The following HNF4G variants were observed in gnomAD, a reference collection of about 807,000 sequenced individuals.
HNF4G encodes hepatocyte nuclear factor 4-gamma.
HNF4G carries 21 observed loss-of-function variants against 50.9 expected under a neutral mutation model. That is an observed-to-expected ratio of 0.41 (90% CI 0.29 to 0.59). The LOEUF is 0.59. Among genes scored for constraint, HNF4G ranks in the 20% least tolerant of loss-of-function variants. The pLI is 0.26. For missense variants in HNF4G, 527 were observed against 559.4 expected (o/e 0.94, Z 0.58); for synonymous variants, 198 against 185.6 (o/e 1.07, Z -0.54).
At chr8:75,514,093 C>T (rs1384424226) in intron 2 of HNF4G, among the ~76,000 whole-genome samples, 1 of 151,704 alleles carries the variant, frequency 6.6e-6, no homozygotes, top group Non-Finnish European at 1.5e-5. Flanking sequence ...TAATTTTGCC[C>T]ATTCTTCCTT....
At chr8:75,530,902 C>A (rs1332334746) in intron 2 of HNF4G, among the ~76,000 whole-genome samples, 2 of 150,080 alleles carry the variant, frequency 1.3e-5, no homozygotes, top group Non-Finnish European at 2.9e-5. Context: ...GAGTGATTCT[C>A]CCACCTCAGC....
At chr8:75,422,213 C>T (rs1418049749) in intron 1 of HNF4G, among the ~76,000 whole-genome samples, 3 of 152,124 alleles carry the variant, frequency 2.0e-5, no homozygotes, top group South Asian at 2.1e-4. Flanking sequence ...AGATGACAGA[C>T]TATTAGTGAA....
chr8:75,517,406 C>T (rs1330310130), intron 2 of HNF4G, among the ~76,000 whole-genome samples: 1 of 152,142 alleles, frequency 6.6e-6, no homozygotes, highest in African/African-American at 2.4e-5. Flanking sequence ...AAGGCAAGTC[C>T]CTTCCACTTA....
chr8:75,512,742 G>T (rs1286448172), intron 2 of HNF4G, among the ~76,000 whole-genome samples: 1 of 152,092 alleles, frequency 6.6e-6, no homozygotes, highest in Admixed American at 6.5e-5. Context: ...GGGATTACAG[G>T]TGTGAGCCAC....
In HNF4G at chr8:75,450,374, A is replaced by G. The variant is rs558587406; in HGVS notation, c.-143-39715A>G. On this transcript the variant is annotated intron_variant, in intron 1 of 10. Transcript: ENST00000354370. ...CAATTCCAATCAGAAAAATAATAAA[A>G]CAAAAATCAAATATTAATAGCCTTA... 4.6e-5 allele frequency among the ~76,000 whole-genome samples: 7 copies of G among 152,296 alleles called. No homozygotes were observed. In the South Asian group the frequency reaches 1.5e-3, roughly 32 times the overall value.
At chr8:75,525,179 A>AT (rs1255794363) in intron 2 of HNF4G, among the ~76,000 whole-genome samples, 5 of 151,734 alleles carry the variant, frequency 3.3e-5, no homozygotes, top group Admixed American at 6.6e-5. Flanking sequence ...ATCTTTTCTG[A>AT]TTTTTTTCGA....
At chr8:75,421,905 C>T (rs2130491337) in intron 1 of HNF4G, among the ~76,000 whole-genome samples, 1 of 152,228 alleles carries the variant, frequency 6.6e-6, no homozygotes, top group South Asian at 2.1e-4. Context: ...ATGATGCAGA[C>T]CCTGGAAACT....
chr8:75,445,505 AG>A (rs1811403170), intron 1 of HNF4G, among the ~76,000 whole-genome samples: 1 of 19,606 alleles, frequency 5.1e-5, no homozygotes, highest in Non-Finnish European at 9.8e-5. Flanking sequence ...GTTTTTTGAA[AG>A]GATCAACAAA....
At chr8:75,416,472 T>C (rs531505422) in intron 1 of HNF4G, among the ~76,000 whole-genome samples, 1 of 152,346 alleles carries the variant, frequency 6.6e-6, no homozygotes, top group Non-Finnish European at 1.5e-5. Flanking sequence ...AGGTTCTTTT[T>C]ATGGTAAAGT....
intron 5 of HNF4G, among the ~76,000 whole-genome samples, 157 bp from the exon 6 acceptor site, chr8:75,555,825 A>G (rs1807101455): frequency 6.6e-6 from 1 of 152,100 alleles, no homozygotes; most frequent in South Asian, 2.1e-4. Flanking sequence ...TATGATAGAA[A>G]ACTGGAAGGC....
At chr8:75,414,550 C>G (rs1275896840) in intron 1 of HNF4G, among the ~76,000 whole-genome samples, 1 of 152,128 alleles carries the variant, frequency 6.6e-6, no homozygotes, top group African/African-American at 2.4e-5. Flanking sequence ...TCCTTGCATT[C>G]CCTTCCTTCC....
intron 2 of HNF4G, among the ~76,000 whole-genome samples, chr8:75,532,131 A>G (rs1806344022): frequency 6.6e-6 from 1 of 152,104 alleles, no homozygotes; most frequent in Non-Finnish European, 1.5e-5. Flanking sequence ...ATAAATAAAT[A>G]AATTCTTCCT....
intron 5 of HNF4G, among the ~76,000 whole-genome samples, chr8:75,553,575 T>A (rs991773394): frequency 6.6e-6 from 1 of 152,104 alleles, no homozygotes; most frequent in Non-Finnish European, 1.5e-5. Context: ...TGGCGTTTAC[T>A]GAAGCTGCTA....
intron 1 of HNF4G, among the ~76,000 whole-genome samples, chr8:75,432,765 A>G (rs770396589): frequency 3.3e-5 from 5 of 152,162 alleles, no homozygotes; most frequent in African/African-American, 7.2e-5. Flanking sequence ...TTTTTAACCA[A>G]TAAGATAGTC....
chr8:75,544,427 A>AT (rs1392487799), intron 2 of HNF4G, among the ~76,000 whole-genome samples: 1 of 152,110 alleles, frequency 6.6e-6, no homozygotes, highest in African/African-American at 2.4e-5. Context: ...CTTCATGTTT[A>AT]TTTTTTAAGT....
intron 2 of HNF4G, among the ~76,000 whole-genome samples, chr8:75,520,942 T>G (rs1408942936): frequency 6.6e-6 from 1 of 152,070 alleles, no homozygotes; most frequent in African/African-American, 2.4e-5. Flanking sequence ...AATATTTTGA[T>G]AGTATCTTTA....
chr8:75,555,967 G>T lies in HNF4G; in HGVS notation c.646-15G>T, dbSNP rs1383151254. On this transcript the variant is annotated splice_polypyrimidine_tract_variant and intron_variant, in intron 5 of 9. Coordinates refer to ENST00000396423, the MANE Select transcript of HNF4G (RefSeq NM_004133.5). ...ATATTATAATTAATTGTTAAACTGA[G>T]AATTTTTCATTAAGGTGGCACTGTT... 1.4e-6 allele frequency: 2 copies of T among 1,426,034 alleles called. No individual in the cohort carries two copies. The highest frequency in any genetic ancestry group is 4.6e-5 in the East Asian group (2 of 43,498). 88.3% of individuals were successfully genotyped at this position (1,426,034 alleles called of 1,614,324 possible).
chr8:75,519,095 T>C (rs1016915282), intron 2 of HNF4G, among the ~76,000 whole-genome samples: 1 of 152,164 alleles, frequency 6.6e-6, no homozygotes, highest in Non-Finnish European at 1.5e-5. Flanking sequence ...CCAGGTGCCA[T>C]AGATCATTTC....
At chr8:75,453,496 A>AC (rs1447409425) in intron 1 of HNF4G, among the ~76,000 whole-genome samples, 3 of 133,864 alleles carry the variant, frequency 2.2e-5, no homozygotes. Context: ...AAAGCTGGCC[A>AC]CCCCCCTGCC....
Sources: gnomAD v4.1 joint callset for allele counts (sites outside exome capture counted in the v4.1 genomes callset) on GRCh38, gnomAD v4.1.1 for gene constraint, MANE v1.5 for transcripts, NCBI Gene and HGNC (gene_info 2026-07-23, HGNC 2026-07-21) for gene names.